Variants in SSPN observed in about 807,000 individuals in gnomAD.
SSPN encodes K-ras oncogene-associated protein.
A neutral mutation model predicts 19.1 loss-of-function variants in SSPN; 15 were observed. The observed-to-expected ratio is 0.78, with a 90% CI of 0.52 to 1.21. The LOEUF is 1.21. Among genes scored for constraint, SSPN ranks in the 50% most tolerant of loss-of-function variants. The pLI is 0.00. For synonymous variants in SSPN, 147 were observed against 140.3 expected, an observed-to-expected ratio of 1.05 and a Z score of -0.34; for missense variants, 291 against 314.0, an observed-to-expected ratio of 0.93 and a Z score of 0.55.
In SSPN at chr12:26,231,018, A is replaced by T. The variant is rs1225698869; in HGVS notation, c.674A>T (p.Tyr225Phe). Residue 225 changes from tyrosine to phenylalanine, a missense_variant, in exon 3 of 3, where the codon TAT becomes TTT. Coordinates refer to ENST00000242729, the MANE Select transcript of SSPN (RefSeq NM_005086.5). ...TGGAAACATAGGTACCAGGTCTTCT[A>T]TGTGGGTGTCAGGATATGCTCCCTC... ...VMWKHRYQVF[Y>F]VGVRICSLTA... 1 of 1,614,072 alleles carries T rather than the reference A, an allele frequency of 6.2e-7. No homozygotes were observed. Among genetic ancestry groups the T allele is most frequent in the Admixed American group, 1.7e-5 (1 of 59,996 alleles).
At chr12:26,155,510 TA>T (rs1944550741) in intron 1 of SSPN, among the ~76,000 whole-genome samples, 1 of 152,184 alleles carries the variant, frequency 6.6e-6, no homozygotes, top group Non-Finnish European at 1.5e-5. Flanking sequence ...GCAATAGGTA[TA>T]TTAACATTTA....
intron 1 of SSPN, chr12:26,124,905 T>C: frequency 2.1e-6 from 2 of 955,684 alleles, no homozygotes; most frequent in Non-Finnish European, 3.4e-6. Flanking sequence ...CTCTCCCTCT[T>C]CAGTGCAGTG....
In SSPN at chr12:26,124,694, T is replaced by C. The variant is rs200385403; in HGVS notation, c.-31+2542T>C. On this transcript the variant is annotated intron_variant, in intron 1 of 2. Transcript: ENST00000538142. ...AATCAAACCAAAGCCTAGACAGATA[T>C]TCGCAAGGGTGCGTGCACCTTACCC... The C allele has an allele frequency of 1.5e-4, 250 of 1,613,980 alleles. No individual in the cohort carries two copies. In the African/African-American group the frequency reaches 2.2e-3, roughly 14 times the overall value.
chr12:26,195,930 T>C lies in SSPN; in HGVS notation c.258T>C (p.Thr86=). 6.5e-7 allele frequency: 1 copy of C among 1,542,684 alleles called. No individual in the cohort carries two copies. The highest frequency in any genetic ancestry group is 1.2e-5 in the South Asian group (1 of 81,294). Residue 86 remains threonine, a synonymous_variant, in exon 1 of 3, where the codon ACT becomes ACC. Transcript: ENST00000242729. ...GCTCCTCCCTGCTAGTCAGGGACAC[T>C]CCATTTTGGGCTGGGATCATTGTAA... ...SISSSLLVRD[T]PFWAGIIVCL...
At chr12:26,142,293 G>T (rs1026528379) in intron 1 of SSPN, among the ~76,000 whole-genome samples, 2 of 152,198 alleles carry the variant, frequency 1.3e-5, no homozygotes, top group Admixed American at 1.3e-4. Context: ...GGTAATGCTG[G>T]AGATGGGAAA....
chr12:26,166,956 A>G (rs74072070), intron 1 of SSPN, among the ~76,000 whole-genome samples: 8,838 of 152,310 alleles, frequency 0.058, 379 homozygotes, highest in South Asian at 0.12. Flanking sequence ...AGGTTTTCCA[A>G]CTATATAGAT....
At chr12:26,149,047 G>T (rs1248191050) in intron 1 of SSPN, among the ~76,000 whole-genome samples, 1 of 152,142 alleles carries the variant, frequency 6.6e-6, no homozygotes, top group African/African-American at 2.4e-5. Flanking sequence ...TTAAAGTAAT[G>T]GTAGATTTTT....
chr12:26,131,020 G>A (rs1362473077), intron 1 of SSPN, among the ~76,000 whole-genome samples: 1 of 152,138 alleles, frequency 6.6e-6, no homozygotes, highest in East Asian at 1.9e-4. Flanking sequence ...AAGGGGAAGT[G>A]GAGACTAGAT....
chr12:26,217,437 CTT>C (rs1302819519), intron 1 of SSPN, among the ~76,000 whole-genome samples: 1 of 39,882 alleles, frequency 2.5e-5, no homozygotes, highest in Non-Finnish European at 4.6e-5. Context: ...TATCCTGAGA[CTT>C]TGCTGAAGTT....
chr12:26,223,507 C>T (rs1290822880), intron 1 of SSPN, among the ~76,000 whole-genome samples: 1 of 151,238 alleles, frequency 6.6e-6, no homozygotes, highest in Non-Finnish European at 1.5e-5. Context: ...ACCGCACCCG[C>T]TTATATGTCA....
intron 1 of SSPN, among the ~76,000 whole-genome samples, chr12:26,174,202 C>T (rs1362545320): frequency 6.6e-6 from 1 of 152,170 alleles, no homozygotes; most frequent in Non-Finnish European, 1.5e-5. Context: ...GAAGGTCAAA[C>T]TCACACTTTC....
At chr12:26,124,800 C>G in intron 1 of SSPN, 1 of 1,614,022 alleles carries the variant, frequency 6.2e-7, no homozygotes. Context: ...TGTTCGTTTC[C>G]TCTGTTTCGA....
intron 1 of SSPN, among the ~76,000 whole-genome samples, chr12:26,202,169 G>A (rs980815962): frequency 6.6e-6 from 1 of 152,126 alleles, no homozygotes; most frequent in Non-Finnish European, 1.5e-5. Context: ...ATAATGACAT[G>A]AAAAGGTCTG....
At chr12:26,136,368 C>T (rs551058254) in intron 1 of SSPN, among the ~76,000 whole-genome samples, 2 of 152,256 alleles carry the variant, frequency 1.3e-5, no homozygotes, top group South Asian at 4.2e-4. Flanking sequence ...GCTTTAAGAT[C>T]AAGAGGACCT....
chr12:26,168,655 GGAA>G (rs1407117931), intron 1 of SSPN, among the ~76,000 whole-genome samples: 3 of 152,228 alleles, frequency 2.0e-5, no homozygotes, highest in Non-Finnish European at 2.9e-5. Flanking sequence ...CTGGGCAGCA[GGAA>G]GAAGGTTTCG....
intron 1 of SSPN, 30 bp downstream of exon 1, chr12:26,195,981 C>CGTT: frequency 6.9e-7 from 1 of 1,439,844 alleles, no homozygotes; most frequent in East Asian, 2.8e-5. Flanking sequence ...TGCCTAAGCG[C>CGTT]GTTTGCCAAA....
Position 26,228,215 on chromosome 12 carries a change from G to A in SSPN, c.367-2496G>A, listed in dbSNP as rs1180979335. On this transcript the variant is annotated intron_variant, in intron 2 of 2. Coordinates refer to ENST00000242729, the MANE Select transcript of SSPN (RefSeq NM_005086.5). ...GTTCAAGACCAGCCTGGGCAAAATG[G>A]TGAAACCCTGTCTCTATCAAAAAAA... Among the ~76,000 whole-genome samples, 3 of 151,996 alleles carry A rather than the reference G, an allele frequency of 2.0e-5. No individual in the cohort carries two copies. In the East Asian group the frequency reaches 5.8e-4, roughly 29 times the overall value.
intron 1 of SSPN, among the ~76,000 whole-genome samples, chr12:26,137,656 A>ATATATATATATAT (rs1377562695): frequency 1.3e-5 from 1 of 76,434 alleles, no homozygotes; most frequent in Non-Finnish European, 2.2e-5. Context: ...ATATATATAT[A>ATATATATATATAT]TTTTTTTTTT....
At chr12:26,189,558 C>A (rs374632903) in intron 1 of SSPN, among the ~76,000 whole-genome samples, 1 of 152,088 alleles carries the variant, frequency 6.6e-6, no homozygotes, top group African/African-American at 2.4e-5. Flanking sequence ...CACTTTCTGC[C>A]TCAGCACACA....
Sources: allele counts gnomAD v4.1 joint callset (sites outside exome capture counted in the v4.1 genomes callset), GRCh38; gene constraint gnomAD v4.1.1; transcripts MANE v1.5; gene names NCBI Gene and HGNC (gene_info 2026-07-23, HGNC 2026-07-21).